The following MRC1 variants were observed in gnomAD, a reference collection of about 807,000 sequenced individuals.
MRC1 encodes the protein macrophage mannose receptor 1.
Under a neutral mutation model 102.9 loss-of-function variants are expected in MRC1, and 62 were observed. The observed-to-expected ratio is 0.60, with a 90% confidence interval of 0.49 to 0.74. The LOEUF is 0.74. Among genes scored for constraint, MRC1 ranks in the 30% least tolerant of loss-of-function variants. The pLI, the probability that MRC1 is intolerant of heterozygous loss-of-function variation, is 0.00. For synonymous variants in MRC1, 457 were observed against 298.4 expected, an observed-to-expected ratio of 1.53 and a Z score of -5.48; for missense variants, 1,237 against 862.8, an observed-to-expected ratio of 1.43 and a Z score of -5.43.
At chr10:17,846,619 A>T (rs1016653847) in intron 6 of MRC1, among the ~76,000 whole-genome samples, 1 of 152,168 alleles carries the variant, frequency 6.6e-6, no homozygotes, top group Non-Finnish European at 1.5e-5. Context: ...ATCCTTAGTT[A>T]TTCTGTGACT....
intron 8 of MRC1, 75 bp from the exon 9 acceptor site, chr10:17,856,167 C>G (rs1204506787): frequency 4.1e-4 from 283 of 689,732 alleles, no homozygotes; most frequent in African/African-American, 4.0e-3. Context: ...GAGACACTGT[C>G]TCAAAAAAAA....
chr10:17,853,725 G>A (rs1262932624), intron 8 of MRC1, among the ~76,000 whole-genome samples: 2 of 151,956 alleles, frequency 1.3e-5, no homozygotes, highest in Non-Finnish European at 2.9e-5. Flanking sequence ...TACTTGGGGA[G>A]CTACATTCAT....
Position 17,849,700 on chromosome 10 carries a change from C to CA in MRC1, c.1185_1186insA (p.Gly396ArgfsTer2). 1.3e-6 allele frequency: 1 copy of CA among 780,898 alleles called. No homozygotes were observed. Among genetic ancestry groups the CA allele is most frequent in the South Asian group, 1.3e-5 (1 of 74,614 alleles). The allele number at this position is 780,898 out of a possible 1,614,324, so 48.4% of individuals were successfully genotyped here. ...CTCTGACCACCTGCAGGAAGGAAGG[C>CA]GGTGACCTCACAAGTATCCACACCA... On this transcript the variant is annotated frameshift_variant, in exon 7 of 30. Coordinates refer to ENST00000569591, the MANE Select transcript of MRC1 (RefSeq NM_002438.4). LOFTEE classifies it high-confidence loss of function.
chr10:17,854,996 A>G (rs1195789885), intron 8 of MRC1, among the ~76,000 whole-genome samples: 2 of 152,098 alleles, frequency 1.3e-5, no homozygotes, highest in African/African-American at 4.8e-5. Context: ...TGGCCCAGAA[A>G]ACATTTTTTT....
chr10:17,812,785 C>A (rs950004175), intron 1 of MRC1, among the ~76,000 whole-genome samples: 50 of 152,046 alleles, frequency 3.3e-4, no homozygotes, highest in Admixed American at 5.2e-4. Context: ...GTTGGCCAGG[C>A]TGGTCTTGAA....
At chr10:17,823,626 T>C in intron 2 of MRC1, 151 bp downstream of exon 2, 1 of 688,348 alleles carries the variant, frequency 1.5e-6, no homozygotes. Context: ...TCTGTAGGAC[T>C]ATTCTGAGGA....
chr10:17,879,441 G>T (rs898933777), intron 18 of MRC1, among the ~76,000 whole-genome samples: 1 of 152,120 alleles, frequency 6.6e-6, no homozygotes, highest in Non-Finnish European at 1.5e-5. Context: ...TGCAGCCTCC[G>T]CCTCCCAGTT....
chr10:17,903,259 G>C (rs1431486631), intron 26 of MRC1, among the ~76,000 whole-genome samples: 5 of 151,598 alleles, frequency 3.3e-5, no homozygotes, highest in Admixed American at 1.3e-4. Context: ...TAGAATTTAT[G>C]TCTGCCATTT....
chr10:17,897,956 T>G, intron 23 of MRC1, 78 bp from the exon 24 acceptor site: 1 of 777,970 alleles, frequency 1.3e-6, no homozygotes, highest in Non-Finnish European at 2.4e-6. Flanking sequence ...TTATGATAGA[T>G]GAGATACACT....
chr10:17,909,893 C>G (rs1161308044), intron 29 of MRC1, among the ~76,000 whole-genome samples: 1 of 151,942 alleles, frequency 6.6e-6, no homozygotes, highest in Non-Finnish European at 1.5e-5. Context: ...ATTATCATTA[C>G]TAATCTACTT....
chr10:17,831,954 C>T (rs1235085891), intron 3 of MRC1, among the ~76,000 whole-genome samples: 1 of 151,650 alleles, frequency 6.6e-6, no homozygotes, highest in Admixed American at 6.6e-5. Context: ...ATTTTTTACT[C>T]TGTGGAATGA....
At chr10:17,878,724 G>A (rs1833471284) in intron 18 of MRC1, among the ~76,000 whole-genome samples, 1 of 151,976 alleles carries the variant, frequency 6.6e-6, no homozygotes, top group Non-Finnish European at 1.5e-5. Context: ...GTGCAGTGGG[G>A]TGATCACAGC....
intron 3 of MRC1, 91 bp downstream of exon 3, chr10:17,827,806 A>G (rs1054826172): frequency 2.4e-5 from 18 of 762,452 alleles, no homozygotes; most frequent in African/African-American, 3.4e-5. Context: ...ATTTTTCCCC[A>G]AAGTTATTTC....
chr10:17,851,905 A>T (rs1175950324), intron 7 of MRC1, among the ~76,000 whole-genome samples: 6 of 152,352 alleles, frequency 3.9e-5, no homozygotes, highest in Admixed American at 3.9e-4. Context: ...CCGCTTAGGG[A>T]GAATCTTATA....
chr10:17,821,844 C>G (rs1335646975), intron 1 of MRC1, among the ~76,000 whole-genome samples: 2 of 152,136 alleles, frequency 1.3e-5, no homozygotes, highest in Non-Finnish European at 2.9e-5. Flanking sequence ...CTCATTTAGT[C>G]AGAACCTCAA....
At chr10:17,901,856 T>C in intron 25 of MRC1, 117 bp from the exon 26 acceptor site, 1 of 765,534 alleles carries the variant, frequency 1.3e-6, no homozygotes, top group Non-Finnish European at 2.4e-6. Flanking sequence ...ATGATAACCA[T>C]TGGAAGATTT....
intron 22 of MRC1, among the ~76,000 whole-genome samples, 173 bp downstream of exon 22, chr10:17,885,608 C>A (rs1833581498): frequency 6.6e-6 from 1 of 152,086 alleles, no homozygotes; most frequent in Non-Finnish European, 1.5e-5. Context: ...AGTATAAATT[C>A]AGTTAAAAAA....
At chr10:17,829,392 G>A (rs1341380293) in intron 3 of MRC1, among the ~76,000 whole-genome samples, 1 of 151,258 alleles carries the variant, frequency 6.6e-6, no homozygotes, top group Non-Finnish European at 1.5e-5. Flanking sequence ...ATATACTATT[G>A]TAATTGTCTT....
intron 1 of MRC1, among the ~76,000 whole-genome samples, chr10:17,820,294 C>G (rs1290674050): frequency 6.6e-6 from 1 of 151,732 alleles, no homozygotes; most frequent in Admixed American, 6.6e-5. Context: ...CAAAAACAAG[C>G]TGAAAATCCA....
Sources: allele counts gnomAD v4.1 joint callset (sites outside exome capture counted in the v4.1 genomes callset), GRCh38; gene constraint gnomAD v4.1.1; transcripts MANE v1.5; gene names NCBI Gene and HGNC (gene_info 2026-07-23, HGNC 2026-07-21).